OPRM1: variants seen among roughly 807,000 people sequenced by gnomAD.
OPRM1 encodes the protein mu-type opioid receptor.
Under a neutral mutation model 31.8 loss-of-function variants are expected in OPRM1, and 27 were observed. The ratio of observed to expected loss-of-function variants is 0.85; its 90% CI spans 0.63 to 1.17. The LOEUF (loss-of-function observed/expected upper bound fraction) is 1.17, where lower values mean the gene tolerates loss of function less well. Ranked by LOEUF, OPRM1 falls within the 50% of genes most tolerant of loss-of-function variation. The pLI is 0.00. For missense variants in OPRM1, 536 were observed against 511.1 expected (o/e 1.05, Z -0.47); for synonymous variants, 196 against 189.9 (o/e 1.03, Z -0.26).
In OPRM1 at chr6:154,075,300, T is replaced by G. The variant is rs376110246; in HGVS notation, c.291-14526T>G. Among the ~76,000 whole-genome samples, 5 of 151,996 alleles carry G rather than the reference T, an allele frequency of 3.3e-5. No homozygotes were observed. The East Asian group carries it at 9.6e-4, about 29-fold the overall frequency. ...GACATTGAAGTAAATAGCAAAATAA[T>G]CAGTTACAAGTATTGAAAATGATAC... On this transcript the variant is annotated intron_variant, in intron 1 of 3. Transcript: ENST00000330432.
In OPRM1 at chr6:154,131,835, A is replaced by G. The variant is rs1489485437; in HGVS notation, c.*13114A>G. Among the ~76,000 whole-genome samples the G allele has an allele frequency of 6.6e-6, 1 of 152,146 alleles. No individual in the cohort carries two copies. The highest frequency in any genetic ancestry group is 2.4e-5 in the African/African-American group (1 of 41,442). On this transcript the variant is annotated 3_prime_UTR_variant, in exon 4 of 4. Transcript: ENST00000330432. Reference sequence around the variant, plus strand: ...AAACCTGTATTTCGCCTATAGAGACAAATACATATATTGTTTGTTGTGATA... The same window carrying G: ...AAACCTGTATTTCGCCTATAGAGACGAATACATATATTGTTTGTTGTGATA...
intron 3 of OPRM1, among the ~76,000 whole-genome samples, chr6:154,170,241 CTCCTTAATGTTTATATGTTTCACT>C (rs530040819): frequency 7.5e-4 from 115 of 152,342 alleles, no homozygotes; most frequent in African/African-American, 2.7e-3. Context: ...CCACCACATA[CTCCTTAATGTTTATATGTTTCACT>C]TCCTGTCCAA....
chr6:154,210,292 C>A (rs1210970679), intron 3 of OPRM1, among the ~76,000 whole-genome samples: 1 of 151,964 alleles, frequency 6.6e-6, no homozygotes, highest in Non-Finnish European at 1.5e-5. Context: ...TATTTTACAA[C>A]TAAATAATCA....
chr6:154,019,818 C>G (rs1293151525), intron 1 of OPRM1, among the ~76,000 whole-genome samples: 3 of 149,094 alleles, frequency 2.0e-5, no homozygotes, highest in Non-Finnish European at 4.4e-5. Context: ...ACTGCAGCCT[C>G]TCCTTTCCGG....
chr6:154,052,024 G>C (rs975292383), intron 1 of OPRM1, among the ~76,000 whole-genome samples: 17 of 152,330 alleles, frequency 1.1e-4, no homozygotes, highest in Non-Finnish European at 2.9e-5. Context: ...CACGTCTTTT[G>C]CAGGGACATG....
chr6:154,114,498 G>A (rs1040867841), intron 3 of OPRM1, among the ~76,000 whole-genome samples: 10 of 152,104 alleles, frequency 6.6e-5, no homozygotes, highest in South Asian at 2.1e-4. Flanking sequence ...ACCTATTGGC[G>A]ATAAATAACA....
At chr6:154,174,850 C>CA (rs1800183094) in intron 3 of OPRM1, among the ~76,000 whole-genome samples, 1 of 152,172 alleles carries the variant, frequency 6.6e-6, no homozygotes, top group Non-Finnish European at 1.5e-5. Context: ...ACTCTCCACC[C>CA]AAAATCAACA....
intron 3 of OPRM1, among the ~76,000 whole-genome samples, chr6:154,245,712 T>C (rs911123454): frequency 1.3e-5 from 2 of 152,166 alleles, no homozygotes; most frequent in Non-Finnish European, 1.5e-5. Context: ...CCTCCAGTGC[T>C]GATCTTCACA....
chr6:154,085,082 G>A (rs1472251793), intron 1 of OPRM1, among the ~76,000 whole-genome samples: 7 of 152,086 alleles, frequency 4.6e-5, no homozygotes, highest in African/African-American at 1.7e-4. Flanking sequence ...AACCCATCAG[G>A]TGTACAGAGG....
rs771201043 is a variant in OPRM1 at position 154,039,729 on chromosome 6, C to G, written c.185C>G (p.Thr62Ser). The G allele has an allele frequency of 1.9e-6, 3 of 1,610,916 alleles. No homozygotes were observed. The highest frequency in any genetic ancestry group is 2.5e-6 in the Non-Finnish European group (3 of 1,180,022). The change falls in exon 1 of 4, where the codon ACC becomes AGC. Residue 62 changes from threonine (T) to serine (S), a missense_variant. Coordinates refer to ENST00000330432, the MANE Select transcript of OPRM1 (RefSeq NM_000914.5). ...GGGAGAGACAGCCTGTGCCCTCCGA[C>G]CGGCAGTCCCTCCATGATCACGGCC... The part of the protein sequence containing the change: ...LGGRDSLCPP[T>S]GSPSMITAIT...
rs530001390 is a variant in OPRM1, at chr6:154,129,589, C to T, written c.*10868C>T. Among the ~76,000 whole-genome samples, 1 of 152,232 alleles carries T rather than the reference C, an allele frequency of 6.6e-6. No homozygotes were observed. Among genetic ancestry groups the T allele is most frequent in the African/African-American group, 2.4e-5 (1 of 41,528 alleles). On this transcript the variant is annotated 3_prime_UTR_variant, in exon 4 of 4. Coordinates refer to ENST00000330432, the MANE Select transcript of OPRM1 (RefSeq NM_000914.5). ...AATCATAATGGAAAAACTAAAATGTCAATAATAATTTCAGATGTGTATTTT... is the reference window on the plus strand; with the variant it reads ...AATCATAATGGAAAAACTAAAATGTTAATAATAATTTCAGATGTGTATTTT...
intron 3 of OPRM1, among the ~76,000 whole-genome samples, chr6:154,227,261 T>C (rs1356530065): frequency 6.6e-6 from 1 of 151,906 alleles, no homozygotes; most frequent in Non-Finnish European, 1.5e-5. Context: ...AAAACAATAG[T>C]TCCATGGAGC....
At chr6:154,194,582 A>G (rs577288412) in intron 3 of OPRM1, among the ~76,000 whole-genome samples, 2 of 151,684 alleles carry the variant, frequency 1.3e-5, no homozygotes, top group African/African-American at 2.4e-5. Context: ...GTACCTCCAA[A>G]CTCTAGATTA....
intron 3 of OPRM1, among the ~76,000 whole-genome samples, chr6:154,149,120 T>C (rs1044349216): frequency 2.0e-5 from 3 of 152,188 alleles, no homozygotes; most frequent in African/African-American, 7.2e-5. Context: ...TGTGAAGACA[T>C]ACCTGAGACT....
chr6:154,133,120 C>CAA (rs61513712), downstream of OPRM1, among the ~76,000 whole-genome samples: 2 of 135,964 alleles, frequency 1.5e-5, no homozygotes, highest in Non-Finnish European at 1.6e-5. Context: ...GACTCCATCT[C>CAA]AAAAAAAAAA....
chr6:154,124,953 G>A lies in OPRM1; in HGVS notation c.*6232G>A, dbSNP rs1217993187. Among the ~76,000 whole-genome samples the A allele has an allele frequency of 6.6e-6, 1 of 152,154 alleles. No homozygotes were observed. The highest frequency in any genetic ancestry group is 1.5e-5 in the Non-Finnish European group (1 of 68,032). ...AGCAAGTAGCAATCTATTCAAAGTT[G>A]TAAAGGTTCTGTAGAATCTCTCAGA... is the stretch of plus-strand genomic sequence containing the variant. On this transcript the variant is annotated 3_prime_UTR_variant, in exon 4 of 4. Coordinates refer to ENST00000330432, the MANE Select transcript of OPRM1 (RefSeq NM_000914.5).
intron 3 of OPRM1, among the ~76,000 whole-genome samples, chr6:154,225,186 A>T (rs937996303): frequency 6.6e-6 from 1 of 152,162 alleles, no homozygotes; most frequent in Non-Finnish European, 1.5e-5. Context: ...ACTCCCTTTG[A>T]GCATCATGTT....
chr6:154,104,140 G>T (rs1271385995), intron 3 of OPRM1, among the ~76,000 whole-genome samples: 2 of 152,142 alleles, frequency 1.3e-5, no homozygotes, highest in African/African-American at 2.4e-5. Context: ...TAATATTCCT[G>T]CCTAGCTATT....
At chr6:154,167,991 C>T in intron 3 of OPRM1, 2 of 1,611,664 alleles carry the variant, frequency 1.2e-6, no homozygotes, top group Non-Finnish European at 1.7e-6. Context: ...CACCGCTTAA[C>T]AAAGGATTTT....
Sources: allele counts gnomAD v4.1 joint callset (sites outside exome capture counted in the v4.1 genomes callset), GRCh38; gene constraint gnomAD v4.1.1; transcripts MANE v1.5; gene names NCBI Gene and HGNC (gene_info 2026-07-23, HGNC 2026-07-21).